The following KAT6A variants were observed in gnomAD, a reference collection of about 807,000 sequenced individuals.
The protein encoded by KAT6A is histone acetyltransferase KAT6A.
In KAT6A, 9 loss-of-function variants were observed where a neutral mutation model predicts 198.4. That is an observed-to-expected ratio of 0.05 (90% CI 0.03 to 0.08). The LOEUF (loss-of-function observed/expected upper bound fraction) is 0.08, where lower values mean the gene tolerates loss of function less well. Among genes scored for constraint, KAT6A ranks in the 10% least tolerant of loss-of-function variants. KAT6A has a pLI of 1.00. For missense variants in KAT6A, 2,077 were observed against 2,509.9 expected (o/e 0.83, Z 3.69); for synonymous variants, 890 against 883.0 (o/e 1.01, Z -0.14).
chr8:41,995,967 C>T (rs1825183025), intron 2 of KAT6A, among the ~76,000 whole-genome samples: 1 of 152,036 alleles, frequency 6.6e-6, no homozygotes, highest in African/African-American at 2.4e-5. Context: ...TGAGCCACCA[C>T]GCCCGGTCCC....
At chr8:42,032,094 T>C (rs1827160194) in intron 2 of KAT6A, among the ~76,000 whole-genome samples, 2 of 152,156 alleles carry the variant, frequency 1.3e-5, no homozygotes, top group African/African-American at 4.8e-5. Flanking sequence ...CATGCCTGGC[T>C]AATTTTCTGT....
intron 2 of KAT6A, among the ~76,000 whole-genome samples, chr8:42,003,616 A>G (rs1488840866): frequency 6.6e-6 from 1 of 151,854 alleles, no homozygotes; most frequent in Non-Finnish European, 1.5e-5. Context: ...ATTCTATTTA[A>G]TATCTTAGCA....
At chr8:41,963,744 T>C (rs1445288001) in intron 8 of KAT6A, among the ~76,000 whole-genome samples, 1 of 151,630 alleles carries the variant, frequency 6.6e-6, no homozygotes, top group African/African-American at 2.4e-5. Context: ...CAAGAGCTAT[T>C]TAGCTACTAC....
At chr8:42,029,670 C>A (rs1827010077) in intron 2 of KAT6A, among the ~76,000 whole-genome samples, 1 of 151,190 alleles carries the variant, frequency 6.6e-6, no homozygotes, top group Non-Finnish European at 1.5e-5. Flanking sequence ...GTTGCCCAGG[C>A]TGATCTCAAA....
intron 8 of KAT6A, among the ~76,000 whole-genome samples, chr8:41,965,355 G>C (rs1438446174): frequency 1.3e-5 from 2 of 152,148 alleles, no homozygotes; most frequent in African/African-American, 4.8e-5. Flanking sequence ...TCCTCAGCTT[G>C]CAGGTCATAC....
At chr8:41,977,436 T>C (rs1587771744) in intron 6 of KAT6A, 109 bp from the exon 7 acceptor site, 2 of 656,382 alleles carry the variant, frequency 3.0e-6, no homozygotes, top group Non-Finnish European at 5.0e-6. Context: ...TATTAAAATC[T>C]ATATTATTAA....
intron 2 of KAT6A, among the ~76,000 whole-genome samples, chr8:41,988,548 A>T (rs1300672556): frequency 6.6e-6 from 1 of 152,168 alleles, no homozygotes; most frequent in Non-Finnish European, 1.5e-5. Flanking sequence ...AACGGGGAAA[A>T]CTCCAAAGAT....
At chr8:41,983,583 C>T (rs572786965) in intron 3 of KAT6A, among the ~76,000 whole-genome samples, 1 of 152,346 alleles carries the variant, frequency 6.6e-6, no homozygotes, top group East Asian at 1.9e-4. Context: ...CTACGGAACA[C>T]TAAAATGAAT....
chr8:41,942,081 C>A, intron 14 of KAT6A: 1 of 190,238 alleles, frequency 5.3e-6, no homozygotes, highest in Non-Finnish European at 1.1e-5. Flanking sequence ...AGGAGGATAC[C>A]GGTGTTGAAA....
At position 42,023,411 on chromosome 8, in the gene KAT6A, A is replaced by C. The variant is rs909518567; in HGVS notation, c.600+24967T>G. Among the ~76,000 whole-genome samples the C allele has an allele frequency of 9.9e-5, 15 of 152,174 alleles. 1 individual carries two copies. The highest frequency in any genetic ancestry group is 2.7e-4 in the African/African-American group (11 of 41,440). ...TAACTTTTTACATTATAAACTTTTT[A>C]ATTTCTTTTACTTTAAAAATTCTTT... On this transcript the variant is annotated intron_variant, in intron 2 of 16. Coordinates refer to ENST00000265713, the MANE Select transcript of KAT6A (RefSeq NM_006766.5).
chr8:41,955,411 T>C lies in KAT6A; in HGVS notation c.1483A>G (p.Lys495Glu), dbSNP rs1034355795. The change falls in exon 9 of 17, where the codon AAA becomes GAA. Residue 495 changes from lysine (K) to glutamate (E), a missense_variant and splice_region_variant. Physicochemically the swap from Lys to Glu is moderately conservative, Grantham distance 56. This residue lies in a region of KAT6A where 206 missense variants were observed against 214.9 expected (regional missense o/e 0.96). Coordinates refer to ENST00000265713, the MANE Select transcript of KAT6A (RefSeq NM_006766.5). ...TCAGGGGGACCAGTCACTCCAACTT[T>C]CTGTGCAGTCAAGAAATACATTCAA... ...FRDIQEQALQ[K>E]VGVTGPPDPQ... 1 of 1,589,338 alleles carries C rather than the reference T, an allele frequency of 6.3e-7. No individual in the cohort carries two copies. The highest frequency in any genetic ancestry group is 8.6e-7 in the Non-Finnish European group (1 of 1,159,362).
Position 41,998,075 on chromosome 8 carries a change from A to G in KAT6A, c.601-10512T>C, listed in dbSNP as rs73628549. 6.6e-3 allele frequency among the ~76,000 whole-genome samples: 1,008 copies of G among 152,310 alleles called. 9 individuals are homozygous for G. The highest frequency in any genetic ancestry group is 0.022 in the African/African-American group (926 of 41,580). ...TAACCCAATACACAGTAAGAAGTCT[A>G]GTAAATGTTACTCCTTGGTGGGCAT... On this transcript the variant is annotated intron_variant, in intron 2 of 16. Transcript: ENST00000265713.
At chr8:41,998,861 T>A (rs1432548881) in intron 2 of KAT6A, among the ~76,000 whole-genome samples, 1 of 151,884 alleles carries the variant, frequency 6.6e-6, no homozygotes, top group African/African-American at 2.4e-5. Context: ...AAAAAAAAAA[T>A]GAATGGCCTG....
chr8:41,930,613 T>G lies in KAT6A; in HGVS notation c.*1592A>C, dbSNP rs2150852747. On this transcript the variant is annotated 3_prime_UTR_variant, in exon 17 of 17. Transcript: ENST00000265713. ...CTAAGCAGTACTTCCCCCTTTTGGA[T>G]ATTTGACTGCACATACCAAGTGGTA... 5.5e-6 allele frequency: 1 copy of G among 181,238 alleles called. No individual in the cohort carries two copies. The highest frequency in any genetic ancestry group is 2.4e-5 in the African/African-American group (1 of 41,988). The allele number at this position is 181,238 out of a possible 1,614,324, so 11.2% of individuals were successfully genotyped here. A position where few individuals can be genotyped will look rare whatever the true frequency, so the allele number is the denominator to read the frequency against.
intron 2 of KAT6A, among the ~76,000 whole-genome samples, chr8:42,020,667 A>G (rs1323791776): frequency 6.6e-6 from 1 of 152,212 alleles, no homozygotes; most frequent in Non-Finnish European, 1.5e-5. Context: ...AAGATGGGTT[A>G]GTGCTACAGA....
At chr8:42,045,068 A>T (rs192817892) in intron 2 of KAT6A, among the ~76,000 whole-genome samples, 120 of 152,370 alleles carry the variant, frequency 7.9e-4, no homozygotes, top group African/African-American at 2.1e-3. Context: ...TTTTTAATGT[A>T]AACTTTTCAT....
At position 42,022,773 on chromosome 8, in the gene KAT6A, C is replaced by CA. The variant is rs200451231; in HGVS notation, c.600+25604dup. Among the ~76,000 whole-genome samples the CA allele has an allele frequency of 8.5e-3, 1,287 of 151,438 alleles. 16 individuals are homozygous for CA. The highest frequency in any genetic ancestry group is 0.03 in the African/African-American group (1,245 of 41,262). On this transcript the variant is annotated intron_variant, in intron 2 of 16. Coordinates refer to ENST00000265713, the MANE Select transcript of KAT6A (RefSeq NM_006766.5). ...ATTAATGCAGCACTATTTGTCATCA[C>CA]AAAAAAAATTAGAAACAAATGTCCA...
chr8:42,031,049 A>G (rs1485639167), intron 2 of KAT6A, among the ~76,000 whole-genome samples: 33 of 108,148 alleles, frequency 3.1e-4, no homozygotes, highest in South Asian at 7.5e-4. Flanking sequence ...GGGGGGGGGG[A>G]CAGGAGAAAT....
At chr8:41,972,222 T>C (rs541919535) in intron 8 of KAT6A, among the ~76,000 whole-genome samples, 26 of 152,300 alleles carry the variant, frequency 1.7e-4, no homozygotes, top group Non-Finnish European at 2.8e-4. Flanking sequence ...AGCTTCTCCT[T>C]ACAATAGAAT....
Sources: gnomAD v4.1 joint callset for allele counts (sites outside exome capture counted in the v4.1 genomes callset) on GRCh38, gnomAD v4.1.1 for gene constraint, gnomAD v4.1.1 regional missense constraint, MANE v1.5 for transcripts, NCBI Gene and HGNC (gene_info 2026-07-23, HGNC 2026-07-21) for gene names.